Variants in AGBL4 observed in about 807,000 individuals in gnomAD.
The protein encoded by AGBL4 is AGBL carboxypeptidase 4.
A neutral mutation model predicts 66.4 loss-of-function variants in AGBL4; 58 were observed. The observed-to-expected ratio is 0.87, with a 90% confidence interval of 0.71 to 1.09. The LOEUF (loss-of-function observed/expected upper bound fraction) is 1.09. AGBL4 is among the 50% of genes least tolerant of loss of function. The pLI is 0.00. For missense variants in AGBL4, 579 were observed against 631.0 expected (o/e 0.92, Z 0.88); for synonymous variants, 234 against 222.9 (o/e 1.05, Z -0.44).
intron 4 of AGBL4, among the ~76,000 whole-genome samples, chr1:49,087,109 A>G (rs1644923213): frequency 6.6e-6 from 1 of 152,016 alleles, no homozygotes. Flanking sequence ...AACTTCAAAT[A>G]CTGAGGGAAC....
intron 2 of AGBL4, among the ~76,000 whole-genome samples, chr1:49,716,233 G>T (rs1009603303): frequency 6.6e-6 from 1 of 151,966 alleles, no homozygotes; most frequent in Non-Finnish European, 1.5e-5. Context: ...GCTTGTTTTT[G>T]TCAGGTTTGT....
chr1:49,126,031 G>C (rs1042077061), intron 4 of AGBL4, among the ~76,000 whole-genome samples: 1 of 152,152 alleles, frequency 6.6e-6, no homozygotes, highest in Non-Finnish European at 1.5e-5. Flanking sequence ...GACAAAAACA[G>C]CTGTTGTAAA....
At chr1:49,741,516 T>C (rs977517294) in intron 2 of AGBL4, among the ~76,000 whole-genome samples, 1 of 151,998 alleles carries the variant, frequency 6.6e-6, no homozygotes, top group Non-Finnish European at 1.5e-5. Flanking sequence ...TTCCAATCAA[T>C]AGAAAAGGAG....
chr1:49,519,505 G>A (rs763007161), intron 3 of AGBL4, among the ~76,000 whole-genome samples: 1 of 151,976 alleles, frequency 6.6e-6, no homozygotes, highest in Non-Finnish European at 1.5e-5. Context: ...TAAAACAGAG[G>A]CCAAAACACA....
chr1:48,661,001 C>T (rs1557861800), intron 7 of AGBL4, among the ~76,000 whole-genome samples: 1 of 152,244 alleles, frequency 6.6e-6, no homozygotes, highest in South Asian at 2.1e-4. Context: ...CTGAGTTCAA[C>T]GCAGCATTTT....
intron 9 of AGBL4, among the ~76,000 whole-genome samples, chr1:48,631,939 T>C (rs905671864): frequency 1.3e-5 from 2 of 152,210 alleles, no homozygotes; most frequent in African/African-American, 4.8e-5. Flanking sequence ...ACCCCTGACA[T>C]ATCTTATAAA....
rs530222008 is a variant in AGBL4, at chr1:49,718,006, C to T, written c.158-20569G>A. On this transcript the variant is annotated intron_variant, in intron 2 of 13. Coordinates refer to ENST00000371839, the MANE Select transcript of AGBL4 (RefSeq NM_032785.4). Reference sequence around the variant, plus strand: ...TAACTTCAATCCAAAACATCAAGTGCTATTGGGATGGATGAAGAAATGATG... The same window carrying T: ...TAACTTCAATCCAAAACATCAAGTGTTATTGGGATGGATGAAGAAATGATG... 2.0e-5 allele frequency among the ~76,000 whole-genome samples: 3 copies of T among 152,108 alleles called. No individual in the cohort carries two copies. In the South Asian group the frequency reaches 6.2e-4, roughly 31 times the overall value.
chr1:48,881,586 A>G (rs1649789291), intron 5 of AGBL4, among the ~76,000 whole-genome samples: 1 of 152,202 alleles, frequency 6.6e-6, no homozygotes. Flanking sequence ...TTCCCGTCAA[A>G]GATGGATTCT....
intron 3 of AGBL4, among the ~76,000 whole-genome samples, chr1:49,693,996 G>T (rs570405779): frequency 6.6e-6 from 1 of 152,156 alleles, no homozygotes; most frequent in East Asian, 1.9e-4. Flanking sequence ...TCAGTCCTGG[G>T]ATACAACACC....
intron 4 of AGBL4, among the ~76,000 whole-genome samples, chr1:49,157,315 G>A (rs980158264): frequency 4.1e-5 from 6 of 146,388 alleles, no homozygotes; most frequent in Admixed American, 2.8e-4. Flanking sequence ...TCCCACTTAT[G>A]AGTGAGAACA....
intron 6 of AGBL4, among the ~76,000 whole-genome samples, chr1:48,744,547 C>T (rs1372379042): frequency 6.6e-6 from 1 of 152,186 alleles, no homozygotes; most frequent in Admixed American, 6.5e-5. Flanking sequence ...GAAAGGCACT[C>T]ACTCACGGTC....
intron 3 of AGBL4, among the ~76,000 whole-genome samples, chr1:49,385,831 T>C (rs1192536248): frequency 6.6e-6 from 1 of 152,060 alleles, no homozygotes; most frequent in Non-Finnish European, 1.5e-5. Flanking sequence ...TTATAGATAA[T>C]GCCCTAATAC....
In AGBL4 at chr1:49,693,228, G is replaced by A. The variant is rs1311365491; in HGVS notation, c.282+4085C>T. On this transcript the variant is annotated intron_variant, in intron 3 of 13. Coordinates refer to ENST00000371839, the MANE Select transcript of AGBL4 (RefSeq NM_032785.4). Reference sequence around the variant, plus strand: ...ATCAATTTAGATATATGTGTAAAGAGTCTTTAAAATGTTCATATCCCTTTG... The same window carrying A: ...ATCAATTTAGATATATGTGTAAAGAATCTTTAAAATGTTCATATCCCTTTG... 2.6e-5 allele frequency among the ~76,000 whole-genome samples: 4 copies of A among 152,144 alleles called. No individual in the cohort carries two copies. In the East Asian group the frequency reaches 7.7e-4, roughly 29 times the overall value.
chr1:48,885,949 A>C (rs1334365202), intron 5 of AGBL4, among the ~76,000 whole-genome samples: 1 of 152,192 alleles, frequency 6.6e-6, no homozygotes, highest in Non-Finnish European at 1.5e-5. Flanking sequence ...ACATACCTGG[A>C]TGAGAGTGGA....
intron 1 of AGBL4, among the ~76,000 whole-genome samples, chr1:49,910,999 C>T (rs915633575): frequency 2.0e-5 from 3 of 152,078 alleles, no homozygotes; most frequent in African/African-American, 7.2e-5. Context: ...AGAAAACCAA[C>T]CTTTTGAATG....
At chr1:49,910,679 A>T (rs972047539) in intron 1 of AGBL4, among the ~76,000 whole-genome samples, 2 of 152,002 alleles carry the variant, frequency 1.3e-5, no homozygotes, top group South Asian at 4.1e-4. Context: ...GAAAAAGAAA[A>T]AAGAAAGAAA....
At chr1:48,531,575 T>A (rs1465493595), downstream of AGBL4, among the ~76,000 whole-genome samples, 1 of 152,112 alleles carries the variant, frequency 6.6e-6, no homozygotes, top group Admixed American at 6.5e-5. Context: ...GTTTTCCTCA[T>A]CCTGAGCAGA....
At chr1:49,851,660 A>T in intron 1 of AGBL4, 142 bp from the exon 2 acceptor site, 2 of 746,242 alleles carry the variant, frequency 2.7e-6, no homozygotes, top group East Asian at 6.0e-5. Context: ...TGGTACAGTG[A>T]AAAAAGGCTA....
chr1:49,624,949 GT>G (rs1012794227), intron 3 of AGBL4, among the ~76,000 whole-genome samples: 1 of 151,982 alleles, frequency 6.6e-6, no homozygotes, highest in East Asian at 1.9e-4. Context: ...TTCCCTATTA[GT>G]TTTTAACCCA....
Sources: allele counts gnomAD v4.1 joint callset (sites outside exome capture counted in the v4.1 genomes callset), GRCh38; gene constraint gnomAD v4.1.1; transcripts MANE v1.5; gene names NCBI Gene and HGNC (gene_info 2026-07-23, HGNC 2026-07-21).